The following PRDM16 variants were observed in gnomAD, a reference collection of about 807,000 sequenced individuals.
PRDM16 encodes the protein histone-lysine N-methyltransferase PRDM16.
Under a neutral mutation model 110.6 loss-of-function variants are expected in PRDM16, and 23 were observed. The ratio of observed to expected loss-of-function variants is 0.21; its 90% CI spans 0.15 to 0.29. PRDM16 has a LOEUF of 0.29. Ranked by LOEUF, PRDM16 falls within the 10% of genes least tolerant of loss-of-function variation. The pLI, the probability that PRDM16 is intolerant of heterozygous loss-of-function variation, is 1.00. For synonymous variants in PRDM16, 799 were observed against 781.8 expected (o/e 1.02, Z -0.37); for missense variants, 1,615 against 1,794.3 (o/e 0.90, Z 1.81).
intron 1 of PRDM16, among the ~76,000 whole-genome samples, chr1:3,086,604 G>A (rs1642158151): frequency 6.6e-6 from 1 of 152,110 alleles, no homozygotes. Flanking sequence ...CAAGGGCTGG[G>A]AAGGGAGGCT....
intron 2 of PRDM16, chr1:3,186,732 T>A: frequency 2.2e-6 from 1 of 451,982 alleles, no homozygotes. Flanking sequence ...CATGAGCTCA[T>A]GTCTTAAAAC....
rs541484136 is a variant in PRDM16 at position 3,295,849 on chromosome 1, G to A, written c.438+51712G>A. ...GTGGGGAAGTTCCTGCCTCTCCGGA[G>A]GGCTGCCATGGGTCAAGCTGTGCAT... On this transcript the variant is annotated intron_variant, in intron 3 of 16. Transcript: ENST00000270722. Among the ~76,000 whole-genome samples, 22 of 152,272 alleles carry A rather than the reference G, an allele frequency of 1.4e-4. No homozygotes were observed. The South Asian group carries it at 4.2e-3, about 29-fold the overall frequency.
intron 2 of PRDM16, among the ~76,000 whole-genome samples, chr1:3,221,912 G>A (rs2651894): frequency 0.072 from 10,902 of 152,282 alleles, 893 homozygotes; most frequent in African/African-American, 0.19. Flanking sequence ...CATCCTCAGA[G>A]TTTGCTGGGT....
At chr1:3,197,260 G>C (rs575970321) in intron 2 of PRDM16, among the ~76,000 whole-genome samples, 1 of 152,128 alleles carries the variant, frequency 6.6e-6, no homozygotes, top group African/African-American at 2.4e-5. Context: ...AGAGCCCAGG[G>C]TCCCGACCCC....
At chr1:3,429,039 T>A (rs1206393385) in intron 14 of PRDM16, among the ~76,000 whole-genome samples, 1 of 152,132 alleles carries the variant, frequency 6.6e-6, no homozygotes, top group African/African-American at 2.4e-5. Context: ...AAGGGTCACA[T>A]AGGAGGGCCG....
intron 1 of PRDM16, among the ~76,000 whole-genome samples, chr1:3,120,297 C>T (rs553503399): frequency 1.3e-5 from 2 of 152,302 alleles, no homozygotes; most frequent in South Asian, 2.1e-4. Flanking sequence ...CCTCCCCTCC[C>T]GGGGCACTGG....
At chr1:3,101,918 A>G (rs914255059) in intron 1 of PRDM16, among the ~76,000 whole-genome samples, 1 of 152,210 alleles carries the variant, frequency 6.6e-6, no homozygotes, top group Non-Finnish European at 1.5e-5. Context: ...GGGCTGGGGC[A>G]CAGTCTTTGC....
At chr1:3,297,086 C>T (rs536511215) in intron 3 of PRDM16, among the ~76,000 whole-genome samples, 3 of 152,246 alleles carry the variant, frequency 2.0e-5, no homozygotes, top group East Asian at 3.9e-4. Flanking sequence ...CCACTGAATG[C>T]GCGCAGATCT....
At chr1:3,320,285 G>A (rs892638361) in intron 3 of PRDM16, among the ~76,000 whole-genome samples, 3 of 152,192 alleles carry the variant, frequency 2.0e-5, no homozygotes, top group Admixed American at 6.5e-5. Flanking sequence ...GTGACGCATT[G>A]GGATTTTCAT....
chr1:3,083,207 G>C (rs897255289), intron 1 of PRDM16, among the ~76,000 whole-genome samples: 6 of 152,310 alleles, frequency 3.9e-5, no homozygotes, highest in African/African-American at 2.4e-5. Flanking sequence ...CTGGATGAGC[G>C]CAGTGGCAAT....
At chr1:3,393,574 C>G (rs1352858391) in intron 4 of PRDM16, among the ~76,000 whole-genome samples, 1 of 152,184 alleles carries the variant, frequency 6.6e-6, no homozygotes, top group Admixed American at 6.5e-5. Flanking sequence ...GGAGCCGGCG[C>G]AGGCTGGGTC....
intron 3 of PRDM16, among the ~76,000 whole-genome samples, chr1:3,325,616 C>T (rs1330259074): frequency 1.3e-5 from 2 of 152,248 alleles, no homozygotes; most frequent in Non-Finnish European, 2.9e-5. Context: ...ACACTGTGTG[C>T]TCTCACAGTT....
intron 3 of PRDM16, among the ~76,000 whole-genome samples, chr1:3,374,190 C>T (rs1418124375): frequency 6.6e-6 from 1 of 152,220 alleles, no homozygotes; most frequent in East Asian, 1.9e-4. Context: ...CTGCTGCTTC[C>T]ACCCCTGCCC....
At chr1:3,094,690 C>G (rs1293756135) in intron 1 of PRDM16, among the ~76,000 whole-genome samples, 1 of 152,252 alleles carries the variant, frequency 6.6e-6, no homozygotes, top group African/African-American at 2.4e-5. Flanking sequence ...TCACAGAACA[C>G]GCAGACATTC....
At chr1:3,330,758 C>A (rs976655835) in intron 3 of PRDM16, among the ~76,000 whole-genome samples, 3 of 152,198 alleles carry the variant, frequency 2.0e-5, no homozygotes, top group Non-Finnish European at 4.4e-5. Context: ...CACGACAGAG[C>A]CTCCTAAGCG....
intron 1 of PRDM16, among the ~76,000 whole-genome samples, chr1:3,092,500 G>A (rs77171311): frequency 2.1e-5 from 1 of 48,628 alleles, no homozygotes; most frequent in Non-Finnish European, 6.1e-5. Context: ...GCTGGGAGCT[G>A]TCTTTTTATT....
chr1:3,437,487 G>C lies in PRDM16; in HGVS notation c.*3676G>C, dbSNP rs575267736. 8.7e-6 allele frequency: 2 copies of C among 229,508 alleles called. No individual in the cohort carries two copies. The highest frequency in any genetic ancestry group is 1.1e-4 in the Admixed American group (2 of 17,654). 14.2% of individuals were successfully genotyped at this position (229,508 alleles called of 1,614,324 possible). A position where few individuals can be genotyped will look rare whatever the true frequency, so the allele number is the denominator to read the frequency against. The stretch of plus-strand genomic sequence containing the variant: ...CACTGTGCTGTCCTAGGGGGAGGGA[G>C]AGCAGAGCTCGCCCCTGCACTGCAG... On this transcript the variant is annotated 3_prime_UTR_variant, in exon 17 of 17. Coordinates refer to ENST00000270722, the MANE Select transcript of PRDM16 (RefSeq NM_022114.4).
chr1:3,310,777 T>C (rs1403570607), intron 3 of PRDM16, among the ~76,000 whole-genome samples: 3 of 152,114 alleles, frequency 2.0e-5, no homozygotes, highest in Non-Finnish European at 4.4e-5. Flanking sequence ...TATGGGTGTG[T>C]ATGTGCATGC....
At chr1:3,324,132 G>A (rs969211665) in intron 3 of PRDM16, among the ~76,000 whole-genome samples, 4 of 151,942 alleles carry the variant, frequency 2.6e-5, no homozygotes, top group Admixed American at 1.3e-4. Flanking sequence ...CCTTGATGCC[G>A]CCAAGAGGGA....
Sources: allele counts gnomAD v4.1 joint callset (sites outside exome capture counted in the v4.1 genomes callset), GRCh38; gene constraint gnomAD v4.1.1; transcripts MANE v1.5; gene names NCBI Gene and HGNC (gene_info 2026-07-23, HGNC 2026-07-21).